ICE2: variants seen among roughly 807,000 people sequenced by gnomAD.
ICE2 encodes the protein interactor of little elongation complex ELL subunit 2.
ICE2 carries 87 observed loss-of-function variants against 105.4 expected under a neutral mutation model. That is an observed-to-expected ratio of 0.83 (90% CI 0.69 to 0.99). The LOEUF is 0.99. ICE2 is among the 50% of genes least tolerant of loss of function. The probability of loss-of-function intolerance (pLI) is 0.00; values close to 1 mark genes in which losing one functional copy is unlikely to be tolerated. For synonymous variants in ICE2, 399 were observed against 392.0 expected (o/e 1.02, Z -0.21); for missense variants, 1,323 against 1,146.7 (o/e 1.15, Z -2.22).
chr15:60,453,769 T>C lies in ICE2; in HGVS notation c.959A>G (p.Lys320Arg), dbSNP rs148687714. 1.3e-6 allele frequency: 2 copies of C among 1,576,144 alleles called. No individual in the cohort carries two copies. The highest frequency in any genetic ancestry group is 2.2e-5 in the South Asian group (2 of 89,922). The change falls in exon 9 of 16, where the codon AAA (lysine) becomes AGA (arginine). Residue 320 changes from lysine to arginine, a missense_variant. By Grantham distance (26) the Lys-to-Arg change is conservative. Transcript: ENST00000261520. ...VIPVAGSKPV[K>R]VIYINSPLPQ... ...AAGTGGTGAATTAATATATATTACT[T>C]TAACTGGTTTTGAACCTTAAAACAG...
At chr15:60,446,755 C>T (rs1368020238) in intron 11 of ICE2, among the ~76,000 whole-genome samples, 1 of 152,066 alleles carries the variant, frequency 6.6e-6, no homozygotes, top group East Asian at 1.9e-4. Flanking sequence ...AATAGTAGAA[C>T]ATCACTAGTC....
chr15:60,431,978 G>A lies in ICE2; in HGVS notation c.2517C>T (p.Ser839=). The part of the protein sequence containing the change: ...LKEKLSALKI[S]NLFNILQHIL... ...TGTGTTGGAGGATGTTAAATAAATT[G>A]GAAATCCTGATAAACAAAAGAAATT... Residue 839 remains serine (S), a synonymous_variant, in exon 14 of 16, where the codon TCC becomes TCT. Transcript: ENST00000261520. 2 of 1,409,500 alleles carry A rather than the reference G, an allele frequency of 1.4e-6. No individual in the cohort carries two copies. Among genetic ancestry groups the A allele is most frequent in the East Asian group, 2.4e-5 (1 of 41,668 alleles). The allele number at this position is 1,409,500 out of a possible 1,614,324, so 87.3% of individuals were successfully genotyped here.
At chr15:60,471,182 G>GAGA in intron 3 of ICE2, among the ~76,000 whole-genome samples, 1 of 152,256 alleles carries the variant, frequency 6.6e-6, no homozygotes, top group South Asian at 2.1e-4. Context: ...AAGGGGATGA[G>GAGA]AGAAGAATTT....
intron 15 of ICE2, among the ~76,000 whole-genome samples, chr15:60,424,249 G>T (rs1189546125): frequency 6.6e-6 from 1 of 151,534 alleles, no homozygotes; most frequent in Non-Finnish European, 1.5e-5. Flanking sequence ...AAAGAAAATT[G>T]AGGAAAGAGA....
chr15:60,433,249 G>A (rs150068241), intron 13 of ICE2, among the ~76,000 whole-genome samples: 3,889 of 151,764 alleles, frequency 0.026, 145 homozygotes, highest in African/African-American at 0.084. Context: ...CACCACGCCC[G>A]GCTAAGTTTT....
chr15:60,457,376 T>C (rs1470558710), intron 5 of ICE2, among the ~76,000 whole-genome samples: 1 of 152,160 alleles, frequency 6.6e-6, no homozygotes, highest in Non-Finnish European at 1.5e-5. Context: ...CCACTTCTGA[T>C]AATATAGAAA....
intron 5 of ICE2, among the ~76,000 whole-genome samples, chr15:60,458,926 A>G (rs1257464436): frequency 4.6e-5 from 7 of 152,164 alleles, no homozygotes; most frequent in Admixed American, 1.3e-4. Context: ...TACAGACAGA[A>G]ACAGAATGTG....
intron 12 of ICE2, among the ~76,000 whole-genome samples, chr15:60,436,765 A>C (rs1314021373): frequency 6.7e-6 from 1 of 148,708 alleles, no homozygotes; most frequent in African/African-American, 2.5e-5. Flanking sequence ...CATGGCGTTT[A>C]TGAGGAGAAT....
intron 10 of ICE2, 48 bp downstream of exon 10, chr15:60,448,799 GA>G: frequency 6.7e-7 from 1 of 1,490,764 alleles, no homozygotes. Flanking sequence ...AAAACCTAAG[GA>G]AAAAGAACAA....
rs575552789 is a variant in ICE2, at chr15:60,454,568, C to T, written c.943+435G>A. ...TAGTGCTGAGCCTAAAGTAGCTTTA[C>T]ACATAAAAAAGTTTCACTGAATGTG... On this transcript the variant is annotated intron_variant, in intron 8 of 15. Coordinates refer to ENST00000261520, the MANE Select transcript of ICE2 (RefSeq NM_024611.6). 8 of 153,622 alleles carry T rather than the reference C, an allele frequency of 5.2e-5. No homozygotes were observed. In the South Asian group the frequency reaches 1.7e-3, roughly 32 times the overall value. 9.5% of individuals were successfully genotyped at this position (153,622 alleles called of 1,614,324 possible).
chr15:60,463,867 C>A (rs924793738), intron 5 of ICE2, among the ~76,000 whole-genome samples: 11 of 152,158 alleles, frequency 7.2e-5, no homozygotes, highest in African/African-American at 2.7e-4. Context: ...CTTATCACCA[C>A]CAAAGCTGGG....
chr15:60,428,473 A>T lies in ICE2; in HGVS notation c.2776T>A (p.Cys926Ser). 1 of 1,613,968 alleles carries T rather than the reference A, an allele frequency of 6.2e-7. No homozygotes were observed. The highest frequency in any genetic ancestry group is 1.3e-5 in the African/African-American group (1 of 75,052). The change falls in exon 15 of 16, where the codon TGT (cysteine) becomes AGT (serine). Residue 926 changes from cysteine (C) to serine (S), a missense_variant. Transcript: ENST00000261520. ...PYHIHHGRIP[C>S]TFPPKSLDTT... is the part of the protein sequence containing the mutation. ...TCCAGTGATTTCGGTGGAAAAGTAC[A>T]AGGTATTCTTCCATGATGGATATGA... is the stretch of plus-strand genomic sequence containing the variant.
chr15:60,449,133 G>C lies in ICE2; in HGVS notation c.1834C>G (p.Gln612Glu). 2 of 1,614,040 alleles carry C rather than the reference G, an allele frequency of 1.2e-6. No homozygotes were observed. The highest frequency in any genetic ancestry group is 1.7e-6 in the Non-Finnish European group (2 of 1,179,936). ...RPASPNSSSG[Q>E]ASVGNQTNTA... ...TTAGTCTGGTTTCCTACAGAAGCCT[G>C]TCCTGAGGAAGAATTTGGACTAGCT... is the stretch of plus-strand genomic sequence containing the variant. Residue 612 changes from glutamine (Q) to glutamate (E), a missense_variant, in exon 10 of 16, where the codon CAG becomes GAG. Gln to Glu is a conservative substitution (Grantham distance 29, BLOSUM62 2). Coordinates refer to ENST00000261520, the MANE Select transcript of ICE2 (RefSeq NM_024611.6).
At chr15:60,475,685 T>C (rs1466713766) in intron 3 of ICE2, among the ~76,000 whole-genome samples, 2 of 152,134 alleles carry the variant, frequency 1.3e-5, no homozygotes, top group Non-Finnish European at 2.9e-5. Flanking sequence ...TATATACCTG[T>C]ATATGTATGT....
Position 60,479,086 on chromosome 15 carries a change from C to A in ICE2, c.-176G>T. 2.2e-6 allele frequency: 1 copy of A among 448,156 alleles called. No homozygotes were observed. Among genetic ancestry groups the A allele is most frequent in the South Asian group, 1.6e-5 (1 of 64,154 alleles). The allele number at this position is 448,156 out of a possible 1,614,324, so 27.8% of individuals were successfully genotyped here. A position where few individuals can be genotyped will look rare whatever the true frequency, so the allele number is the denominator to read the frequency against. Reference sequence around the variant, plus strand: ...CCACTCCTCACATTGTCGCGCGCGCCCAAAAAAGACCATATTTAAAGGATG... The same window carrying A: ...CCACTCCTCACATTGTCGCGCGCGCACAAAAAAGACCATATTTAAAGGATG... On this transcript the variant is annotated 5_prime_UTR_variant, in exon 1 of 16. Coordinates refer to ENST00000261520, the MANE Select transcript of ICE2 (RefSeq NM_024611.6).
At chr15:60,450,825 T>C (rs758560901) in intron 9 of ICE2, among the ~76,000 whole-genome samples, 14 of 152,202 alleles carry the variant, frequency 9.2e-5, no homozygotes, top group Admixed American at 2.0e-4. Context: ...ACATAGTAAG[T>C]AGCCTCTCAG....
chr15:60,452,298 A>C lies in ICE2; in HGVS notation c.1125+1305T>G, dbSNP rs557902078. The stretch of plus-strand genomic sequence containing the variant: ...ATCCTTAAAATTGTATGAGCTCTTA[A>C]GTACAAGAAAAACATTTTTATATTT... On this transcript the variant is annotated intron_variant, in intron 9 of 15. Transcript: ENST00000261520. 5 of 888,410 alleles carry C rather than the reference A, an allele frequency of 5.6e-6. No homozygotes were observed. The South Asian group carries it at 1.6e-4, about 28-fold the overall frequency. The allele number at this position is 888,410 out of a possible 1,614,324, so 55.0% of individuals were successfully genotyped here.
intron 11 of ICE2, among the ~76,000 whole-genome samples, chr15:60,447,201 A>C (rs1318790586): frequency 6.6e-6 from 1 of 152,196 alleles, no homozygotes; most frequent in Admixed American, 6.5e-5. Flanking sequence ...AAGACCTTAC[A>C]TATGTGTGAA....
intron 11 of ICE2, 47 bp downstream of exon 11, chr15:60,447,923 T>A: frequency 6.9e-7 from 1 of 1,439,976 alleles, no homozygotes; most frequent in Non-Finnish European, 9.6e-7. Flanking sequence ...TAAGTATCTA[T>A]TGATTATTTA....
Sources: allele counts gnomAD v4.1 joint callset (sites outside exome capture counted in the v4.1 genomes callset), GRCh38; gene constraint gnomAD v4.1.1; transcripts MANE v1.5; gene names NCBI Gene and HGNC (gene_info 2026-07-23, HGNC 2026-07-21).